ERC1: variants seen among roughly 807,000 people sequenced by gnomAD.
The protein encoded by ERC1 is ELKS/RAB6-interacting/CAST family member 1, also known as RAB6 interacting protein 2.
In ERC1, 56 loss-of-function variants were observed where a neutral mutation model predicts 132.0. The observed-to-expected ratio is 0.42, with a 90% CI of 0.34 to 0.53. The LOEUF (loss-of-function observed/expected upper bound fraction) is 0.53. ERC1 is among the 20% of genes least tolerant of loss of function. The pLI, the probability that ERC1 is intolerant of heterozygous loss-of-function variation, is 0.03. For missense variants in ERC1, 1,202 were observed against 1,349.9 expected, an observed-to-expected ratio of 0.89 and a Z score of 1.72; for synonymous variants, 478 against 476.1, an observed-to-expected ratio of 1.00 and a Z score of -0.05.
chr12:1,096,081 C>T (rs1943998256), intron 3 of ERC1, among the ~76,000 whole-genome samples: 1 of 152,046 alleles, frequency 6.6e-6, no homozygotes, highest in Non-Finnish European at 1.5e-5. Context: ...TGAGCACCAC[C>T]ACACCCAGCT....
intron 12 of ERC1, among the ~76,000 whole-genome samples, chr12:1,227,469 C>T (rs998951904): frequency 1.4e-4 from 21 of 152,130 alleles, no homozygotes; most frequent in African/African-American, 4.8e-4. Context: ...AGTCTTCTTT[C>T]GAGAAATGTC....
intron 12 of ERC1, among the ~76,000 whole-genome samples, chr12:1,221,000 T>C (rs1029330606): frequency 6.6e-6 from 1 of 152,198 alleles, no homozygotes; most frequent in African/African-American, 2.4e-5. Context: ...TTAATTTAAA[T>C]TCCAATCCCG....
chr12:1,006,620 C>G (rs543654921), intron 1 of ERC1, among the ~76,000 whole-genome samples: 2 of 151,814 alleles, frequency 1.3e-5, no homozygotes, highest in Non-Finnish European at 2.9e-5. Flanking sequence ...GGTCTCAAAA[C>G]CCTGGGCTCA....
intron 8 of ERC1, among the ~76,000 whole-genome samples, chr12:1,146,078 T>G (rs1950316299): frequency 6.6e-6 from 1 of 152,106 alleles, no homozygotes; most frequent in Non-Finnish European, 1.5e-5. Flanking sequence ...CCATATGAAT[T>G]TTAGGATTGT....
chr12:1,424,528 T>C (rs1046184933), intron 17 of ERC1, among the ~76,000 whole-genome samples: 4 of 152,094 alleles, frequency 2.6e-5, no homozygotes, highest in South Asian at 2.1e-4. Context: ...AAAAGAACCA[T>C]TGGGAAAAAA....
intron 8 of ERC1, among the ~76,000 whole-genome samples, chr12:1,177,788 A>G (rs777449013): frequency 3.4e-4 from 52 of 152,236 alleles, no homozygotes; most frequent in Non-Finnish European, 5.6e-4. Context: ...TGCTCGACGC[A>G]GGGTTCCCAC....
intron 3 of ERC1, among the ~76,000 whole-genome samples, chr12:1,097,985 G>A (rs1944253567): frequency 6.6e-6 from 1 of 152,202 alleles, no homozygotes; most frequent in Non-Finnish European, 1.5e-5. Context: ...AAAGTGCTGG[G>A]ATTACAGGCG....
At chr12:1,126,580 A>C (rs942085653) in intron 7 of ERC1, among the ~76,000 whole-genome samples, 11 of 152,234 alleles carry the variant, frequency 7.2e-5, no homozygotes, top group African/African-American at 2.7e-4. Flanking sequence ...GTCTCCATCA[A>C]ATTTAAGCAT....
intron 15 of ERC1, among the ~76,000 whole-genome samples, chr12:1,310,252 G>A (rs34831323): frequency 0.046 from 4,615 of 100,854 alleles, 110 homozygotes; most frequent in Non-Finnish European, 0.076. Flanking sequence ...TTGAGGAACA[G>A]TTTTGCTCTA....
intron 1 of ERC1, among the ~76,000 whole-genome samples, chr12:1,008,524 G>A (rs907412990): frequency 2.6e-5 from 4 of 152,066 alleles, no homozygotes; most frequent in East Asian, 1.9e-4. Context: ...TGATCCATCC[G>A]CTTCAGCCTC....
At chr12:1,129,026 A>G (rs1948484729) in intron 7 of ERC1, among the ~76,000 whole-genome samples, 1 of 152,192 alleles carries the variant, frequency 6.6e-6, no homozygotes, top group Non-Finnish European at 1.5e-5. Flanking sequence ...AGGAGTGGAT[A>G]AAGAGAATGG....
chr12:1,106,775 ATTTG>A (rs1180922074), intron 4 of ERC1, among the ~76,000 whole-genome samples: 2 of 152,104 alleles, frequency 1.3e-5, no homozygotes, highest in Non-Finnish European at 2.9e-5. Flanking sequence ...CCACAAAATG[ATTTG>A]TTTAACTGCC....
intron 15 of ERC1, among the ~76,000 whole-genome samples, chr12:1,351,831 A>G (rs2085028549): frequency 6.6e-6 from 1 of 152,138 alleles, no homozygotes; most frequent in Non-Finnish European, 1.5e-5. Context: ...TATTTTGGAT[A>G]ACAGTCCTTT....
chr12:1,188,609 C>T (rs1038874624), intron 11 of ERC1, among the ~76,000 whole-genome samples: 10 of 152,152 alleles, frequency 6.6e-5, no homozygotes, highest in African/African-American at 2.4e-4. Flanking sequence ...ATATTTAAGA[C>T]ATAAAAGATT....
chr12:1,104,789 A>G lies in ERC1; in HGVS notation c.1126A>G (p.Lys376Glu). ...RRFENAPDSA[K>E]TKALQTVIEM... ...GTTTGAGAATGCTCCTGATTCTGCC[A>G]AAACAAAAGCTCTGCAAACTGTTAT... The change falls in exon 4 of 19, where the codon AAA (lysine) becomes GAA (glutamate). Residue 376 changes from lysine to glutamate, a missense_variant. Physicochemically the swap from Lys to Glu is moderately conservative, Grantham distance 56. Coordinates refer to ENST00000360905, the MANE Select transcript of ERC1 (RefSeq NM_178040.4). 6.2e-7 allele frequency: 1 copy of G among 1,613,526 alleles called. No individual in the cohort carries two copies. The highest frequency in any genetic ancestry group is 2.2e-5 in the East Asian group (1 of 44,874).
chr12:1,193,602 G>A (rs954451369), intron 12 of ERC1, among the ~76,000 whole-genome samples: 3 of 151,968 alleles, frequency 2.0e-5, no homozygotes, highest in African/African-American at 4.8e-5. Context: ...TTGTAAAATC[G>A]TGGGGCTGGC....
intron 5 of ERC1, 102 bp downstream of exon 5, chr12:1,110,449 A>G (rs964396971): frequency 1.1e-5 from 11 of 960,186 alleles, no homozygotes; most frequent in Non-Finnish European, 1.7e-5. Context: ...ACACTCTTTT[A>G]TCAGGTTTCA....
rs554942904 is a variant in ERC1, at chr12:1,298,316, C to T, written c.2780+8304C>T. Among the ~76,000 whole-genome samples, 6 of 151,882 alleles carry T rather than the reference C, an allele frequency of 4.0e-5. No homozygotes were observed. In the East Asian group the frequency reaches 5.8e-4, roughly 15 times the overall value. On this transcript the variant is annotated intron_variant, in intron 15 of 18. Coordinates refer to ENST00000360905, the MANE Select transcript of ERC1 (RefSeq NM_178040.4). Reference sequence around the variant, plus strand: ...CAGCACTTTGGGAGCCCAAGGCGCACGGATCACTTGAGGTCAGGAGTTTGA... The same window carrying T: ...CAGCACTTTGGGAGCCCAAGGCGCATGGATCACTTGAGGTCAGGAGTTTGA...
intron 18 of ERC1, among the ~76,000 whole-genome samples, chr12:1,471,308 G>A (rs1164043681): frequency 6.6e-6 from 1 of 152,174 alleles, no homozygotes; most frequent in African/African-American, 2.4e-5. Flanking sequence ...AATCTGGAAA[G>A]TTGCTGTAGG....
Sources: allele counts gnomAD v4.1 joint callset (sites outside exome capture counted in the v4.1 genomes callset), GRCh38; gene constraint gnomAD v4.1.1; transcripts MANE v1.5; gene names NCBI Gene and HGNC (gene_info 2026-07-23, HGNC 2026-07-21).